The following ENOX1 variants were observed in gnomAD, a reference collection of about 807,000 sequenced individuals.
ENOX1 encodes the protein ecto-NOX disulfide-thiol exchanger 1.
Under a neutral mutation model 82.5 loss-of-function variants are expected in ENOX1, and 42 were observed. That is an observed-to-expected ratio of 0.51 (90% CI 0.40 to 0.66). The LOEUF is 0.66. Among genes scored for constraint, ENOX1 ranks in the 30% least tolerant of loss-of-function variants. The pLI is 0.00. For missense variants in ENOX1, 608 were observed against 811.6 expected (o/e 0.75, Z 3.05); for synonymous variants, 271 against 282.2 (o/e 0.96, Z 0.40).
chr13:43,774,102 T>C (rs1951792073), intron 1 of ENOX1, among the ~76,000 whole-genome samples: 1 of 152,198 alleles, frequency 6.6e-6, no homozygotes, highest in Non-Finnish European at 1.5e-5. Flanking sequence ...AGCACCTACT[T>C]TGTGATGCTT....
intron 2 of ENOX1, among the ~76,000 whole-genome samples, chr13:43,562,451 C>T (rs2079724857): frequency 6.6e-6 from 1 of 151,840 alleles, no homozygotes; most frequent in African/African-American, 2.4e-5. Flanking sequence ...AAAAGGAAGA[C>T]AGGAAAGAAG....
intron 2 of ENOX1, among the ~76,000 whole-genome samples, chr13:43,489,079 T>A (rs2076530325): frequency 6.6e-6 from 1 of 152,134 alleles, no homozygotes; most frequent in Non-Finnish European, 1.5e-5. Context: ...GAGATTAGTA[T>A]GGATAGAAGA....
At chr13:43,544,017 A>G (rs1483581263) in intron 2 of ENOX1, 3 of 149,216 alleles carry the variant, frequency 2.0e-5, no homozygotes, top group Non-Finnish European at 4.4e-5. Flanking sequence ...CCAGGGTTCA[A>G]GCAATTCTCC....
intron 12 of ENOX1, among the ~76,000 whole-genome samples, chr13:43,296,720 C>T (rs2046304945): frequency 6.6e-6 from 1 of 152,190 alleles, no homozygotes; most frequent in Admixed American, 6.5e-5. Flanking sequence ...GCAACCCTGA[C>T]TGAGCAGCTC....
At chr13:43,221,878 G>A (rs1395661460) in intron 16 of ENOX1, among the ~76,000 whole-genome samples, 1 of 152,158 alleles carries the variant, frequency 6.6e-6, no homozygotes, top group Admixed American at 6.5e-5. Context: ...GTGGGCACTG[G>A]ATTTTGCTCT....
chr13:43,263,944 T>C (rs2153478050), intron 14 of ENOX1, among the ~76,000 whole-genome samples: 1 of 127,152 alleles, frequency 7.9e-6, no homozygotes, highest in East Asian at 1.9e-4. Flanking sequence ...AGTGGAAAGA[T>C]AAACTATGTC....
chr13:43,225,214 G>C lies in ENOX1; in HGVS notation c.1715-1076C>G, dbSNP rs9594913. On this transcript the variant is annotated intron_variant, in intron 15 of 16. Transcript: ENST00000690772. Reference sequence around the variant, plus strand: ...CTTATAAGTGGGAGCTTAACAGTGGGTACTCATGGACATAAGAAGGAGAAC... The same window carrying C: ...CTTATAAGTGGGAGCTTAACAGTGGCTACTCATGGACATAAGAAGGAGAAC... 6.2e-3 allele frequency among the ~76,000 whole-genome samples: 950 copies of C among 152,298 alleles called. 12 individuals carry two copies. Among genetic ancestry groups the C allele is most frequent in the African/African-American group, 0.022 (910 of 41,544 alleles).
Position 43,362,627 on chromosome 13 carries a change from C to G in ENOX1, c.209-1175G>C, listed in dbSNP as rs556310392. ...TAGGCCTCCGCATGGCCTCACTCTT[C>G]GCTTACCTGTGCTGAAAGGCTGGAG... is the stretch of plus-strand genomic sequence containing the variant. On this transcript the variant is annotated intron_variant, in intron 5 of 16. Coordinates refer to ENST00000690772, the MANE Select transcript of ENOX1 (RefSeq NM_001347969.2). Among the ~76,000 whole-genome samples the G allele has an allele frequency of 2.6e-5, 4 of 152,124 alleles. No individual in the cohort carries two copies. The East Asian group carries it at 7.7e-4, about 29-fold the overall frequency.
At chr13:43,459,184 C>T (rs2057356712) in intron 3 of ENOX1, 3 of 152,318 alleles carry the variant, frequency 2.0e-5, no homozygotes, top group South Asian at 4.1e-4. Context: ...GTACCATCAA[C>T]ATTTTAGACA....
intron 3 of ENOX1, among the ~76,000 whole-genome samples, chr13:43,468,561 A>T (rs1391841105): frequency 1.3e-5 from 2 of 151,690 alleles, no homozygotes; most frequent in Non-Finnish European, 2.9e-5. Context: ...AGGCAGAATC[A>T]GGAGGATAGC....
chr13:43,750,430 A>G (rs1186583587), intron 1 of ENOX1, among the ~76,000 whole-genome samples: 1 of 152,198 alleles, frequency 6.6e-6, no homozygotes, highest in Non-Finnish European at 1.5e-5. Context: ...CTTTCAACAC[A>G]GCAGGGGGCT....
At chr13:43,665,852 T>C (rs1351895595) in intron 2 of ENOX1, among the ~76,000 whole-genome samples, 2 of 150,748 alleles carry the variant, frequency 1.3e-5, no homozygotes, top group Admixed American at 6.6e-5. Context: ...TTTGTCAAAT[T>C]AAATTTGGCC....
At chr13:43,223,956 C>T in intron 16 of ENOX1, 97 bp downstream of exon 16, 1 of 882,468 alleles carries the variant, frequency 1.1e-6, no homozygotes, top group Non-Finnish European at 1.8e-6. Context: ...CCATAGGCTG[C>T]TACAGCCCTA....
intron 1 of ENOX1, among the ~76,000 whole-genome samples, chr13:43,767,039 A>G (rs1255689981): frequency 6.6e-6 from 1 of 152,192 alleles, no homozygotes; most frequent in Admixed American, 6.5e-5. Context: ...CACTTCACCA[A>G]CACAGAGCAC....
At chr13:43,415,764 C>T (rs1305391294) in intron 3 of ENOX1, among the ~76,000 whole-genome samples, 2 of 151,826 alleles carry the variant, frequency 1.3e-5, no homozygotes, top group East Asian at 3.9e-4. Context: ...GCTATCTCTT[C>T]GGAGCTGTTG....
intron 15 of ENOX1, among the ~76,000 whole-genome samples, chr13:43,232,555 C>T (rs931954319): frequency 6.6e-6 from 1 of 152,026 alleles, no homozygotes; most frequent in African/African-American, 2.4e-5. Context: ...TTCTTTATAC[C>T]CACATTAGGA....
At chr13:43,779,489 G>C (rs1295434399) in intron 1 of ENOX1, among the ~76,000 whole-genome samples, 1 of 152,178 alleles carries the variant, frequency 6.6e-6, no homozygotes, top group Non-Finnish European at 1.5e-5. Flanking sequence ...ACCCCAGGTG[G>C]GGAATAGGAG....
chr13:43,407,196 A>G (rs2053851716), intron 5 of ENOX1, among the ~76,000 whole-genome samples: 1 of 152,200 alleles, frequency 6.6e-6, no homozygotes, highest in South Asian at 2.1e-4. Context: ...GCCTTCTGAA[A>G]AGGGACAACG....
intron 1 of ENOX1, among the ~76,000 whole-genome samples, chr13:43,717,386 T>C (rs565084301): frequency 5.9e-5 from 9 of 152,234 alleles, no homozygotes; most frequent in African/African-American, 1.7e-4. Context: ...TAACCAAACA[T>C]TAACCCAACA....
Sources: gnomAD v4.1 joint callset for allele counts (sites outside exome capture counted in the v4.1 genomes callset) on GRCh38, gnomAD v4.1.1 for gene constraint, MANE v1.5 for transcripts, NCBI Gene and HGNC (gene_info 2026-07-23, HGNC 2026-07-21) for gene names.